The following CLN6 variants were observed in gnomAD, a reference collection of about 807,000 sequenced individuals.
CLN6 encodes CLN6 transmembrane ER protein, also known as ceroid-lipofuscinosis neuronal protein 6.
A neutral mutation model predicts 33.3 loss-of-function variants in CLN6; 22 were observed. The observed-to-expected ratio is 0.66, with a 90% CI of 0.47 to 0.94. CLN6 has a LOEUF of 0.94. Ranked by LOEUF, CLN6 falls within the 40% of genes least tolerant of loss-of-function variation. The probability of loss-of-function intolerance (pLI) is 0.00; values close to 1 mark genes in which losing one functional copy is unlikely to be tolerated. For missense variants in CLN6, 387 were observed against 417.1 expected (o/e 0.93, Z 0.63); for synonymous variants, 201 against 174.6 (o/e 1.15, Z -1.19).
Position 68,229,568 on chromosome 15 carries a change from C to G in CLN6, c.17G>C (p.Arg6Thr), listed in dbSNP as rs154774636. The G allele has an allele frequency of 2.0e-6, 3 of 1,467,568 alleles. No homozygotes were observed. The highest frequency in any genetic ancestry group is 2.7e-6 in the Non-Finnish European group (3 of 1,114,376). The allele number at this position is 1,467,568 out of a possible 1,614,324, so 90.9% of individuals were successfully genotyped here. ...GCCCGTCGCTCCCAGGTGCTGCCGCCTCCGCGTCGCCTCCATGGCTGCCCC... is the reference window on the plus strand; with the variant it reads ...GCCCGTCGCTCCCAGGTGCTGCCGCGTCCGCGTCGCCTCCATGGCTGCCCC... MEATR[R>T]RQHLGATGGP... The change falls in exon 1 of 7, where the codon AGG becomes ACG. Residue 6 changes from arginine to threonine, a missense_variant. By Grantham distance (71) the Arg-to-Thr change is moderately conservative (BLOSUM62 -1). Coordinates refer to ENST00000249806, the MANE Select transcript of CLN6 (RefSeq NM_017882.3).
At chr15:68,221,777 AT>A (rs1430895668) in intron 1 of CLN6, among the ~76,000 whole-genome samples, 7 of 133,506 alleles carry the variant, frequency 5.2e-5, no homozygotes, top group Admixed American at 1.6e-4. Context: ...ATCGTCTGGG[AT>A]GTGAGGAGCG....
At chr15:68,224,025 A>G (rs2093245101) in intron 1 of CLN6, among the ~76,000 whole-genome samples, 1 of 150,758 alleles carries the variant, frequency 6.6e-6, no homozygotes, top group African/African-American at 2.4e-5. Flanking sequence ...CAGCCTGGGC[A>G]GTAAGAGTGA....
At chr15:68,251,846 G>C (rs1892382172) in intron 1 of CLN6, among the ~76,000 whole-genome samples, 1 of 151,822 alleles carries the variant, frequency 6.6e-6, no homozygotes, top group African/African-American at 2.4e-5. Flanking sequence ...GAATTAATAA[G>C]AGAGTCCAGC....
At chr15:68,237,960 T>TA (rs1892238281) in intron 1 of CLN6, among the ~76,000 whole-genome samples, 2 of 151,814 alleles carry the variant, frequency 1.3e-5, no homozygotes, top group African/African-American at 4.8e-5. Flanking sequence ...CCGTCTCTAC[T>TA]AAAAATACAA....
At chr15:68,251,012 G>A (rs1892373422) in intron 1 of CLN6, among the ~76,000 whole-genome samples, 1 of 152,168 alleles carries the variant, frequency 6.6e-6, no homozygotes, top group African/African-American at 2.4e-5. Flanking sequence ...AATCTCTGAT[G>A]AACATGGATG....
chr15:68,253,690 T>G (rs997718314), intron 1 of CLN6, among the ~76,000 whole-genome samples: 1 of 152,252 alleles, frequency 6.6e-6, no homozygotes, highest in Non-Finnish European at 1.5e-5. Flanking sequence ...GCCAAATAGC[T>G]TGTTCACATG....
intron 1 of CLN6, among the ~76,000 whole-genome samples, chr15:68,240,286 G>T (rs1198886134): frequency 6.6e-6 from 1 of 152,164 alleles, no homozygotes; most frequent in African/African-American, 2.4e-5. Flanking sequence ...AAACAAACAT[G>T]CAATAGAGAT....
chr15:68,226,896 G>A (rs375610455), intron 1 of CLN6, among the ~76,000 whole-genome samples: 4 of 152,114 alleles, frequency 2.6e-5, no homozygotes, highest in Non-Finnish European at 5.9e-5. Flanking sequence ...ATTTGACTCT[G>A]GAAAAAAGAG....
At chr15:68,222,446 G>A (rs572617105) in intron 1 of CLN6, among the ~76,000 whole-genome samples, 25 of 141,324 alleles carry the variant, frequency 1.8e-4, no homozygotes, top group Non-Finnish European at 2.4e-4. Context: ...CTGCCCGGCC[G>A]CCCCGTCTGG....
At chr15:68,237,671 A>T (rs1892234285) in intron 1 of CLN6, among the ~76,000 whole-genome samples, 1 of 152,248 alleles carries the variant, frequency 6.6e-6, no homozygotes, top group South Asian at 2.1e-4. Flanking sequence ...AAGAAAGGGT[A>T]GAATGAGAAA....
rs1445867896 is a variant in CLN6, at chr15:68,256,118, T to A, written c.179+572A>T. On this transcript the variant is annotated intron_variant, in intron 1 of 6. Transcript: ENST00000538696. This position sits in a 1 kb window ranked among gnomAD's most constrained non-coding sequence, Gnocchi z 4.1. ...CCCTCTTTTTATTTTATTATTATTA[T>A]TTTTTTGAGACGGAGTCTTGCTCTG... Among the ~76,000 whole-genome samples, 1 of 151,990 alleles carries A rather than the reference T, an allele frequency of 6.6e-6. No homozygotes were observed. The highest frequency in any genetic ancestry group is 1.5e-5 in the Non-Finnish European group (1 of 67,992).
rs1892218726 is a variant in CLN6 at position 68,236,221 on chromosome 15, A to G, written c.180-17571T>C. On this transcript the variant is annotated intron_variant, in intron 1 of 6. Transcript: ENST00000538696. The surrounding 1 kb of genome is among the most constrained non-coding windows in gnomAD (Gnocchi z 4.5). ...AGCAGGTCCTCAAACTGTTAAATAC[A>G]GAGTTAGTACATGACCCAGCAACTC... Among the ~76,000 whole-genome samples the G allele has an allele frequency of 6.6e-6, 1 of 152,242 alleles. No individual in the cohort carries two copies. Among genetic ancestry groups the G allele is most frequent in the Non-Finnish European group, 1.5e-5 (1 of 68,046 alleles).
At chr15:68,225,413 G>C (rs996814317) in intron 1 of CLN6, among the ~76,000 whole-genome samples, 1 of 152,192 alleles carries the variant, frequency 6.6e-6, no homozygotes, top group African/African-American at 2.4e-5. Flanking sequence ...TTGATAACAT[G>C]AAAACAGAGG....
Position 68,209,856 on chromosome 15 carries a change from TCA to T in CLN6, c.543-99_543-98del, listed in dbSNP as rs2141137429. On this transcript the variant is annotated intron_variant, in intron 5 of 6. Transcript: ENST00000249806. The surrounding 1 kb of genome is among the most constrained non-coding windows in gnomAD (Gnocchi z 4.9). ...CCATGGGGTCTCATGGAGTGCCACG[TCA>T]CAGTTTACAAAACGCCTAGCCTGGG... 16 of 1,552,718 alleles carry T rather than the reference TCA, an allele frequency of 1.0e-5. No homozygotes were observed. The highest frequency in any genetic ancestry group is 2.3e-4 in the Middle Eastern group (1 of 4,370).
intron 1 of CLN6, among the ~76,000 whole-genome samples, chr15:68,243,217 C>G (rs1892293926): frequency 6.6e-6 from 1 of 152,110 alleles, no homozygotes; most frequent in African/African-American, 2.4e-5. Flanking sequence ...TTTTAAAATT[C>G]TGTGAGTATA....
In CLN6 at chr15:68,219,512, A is replaced by C. The variant is rs2093229740; in HGVS notation, c.84-862T>G. ...TCTTTGGAGGCCTGTCCCTCTCACTAAACAGTTGGTCATCTGCTGTTCACA... is the reference window on the plus strand; with the variant it reads ...TCTTTGGAGGCCTGTCCCTCTCACTCAACAGTTGGTCATCTGCTGTTCACA... On this transcript the variant is annotated intron_variant, in intron 1 of 6. Transcript: ENST00000249806. The surrounding 1 kb of genome is among the most constrained non-coding windows in gnomAD (Gnocchi z 4.2). 6.6e-6 allele frequency among the ~76,000 whole-genome samples: 1 copy of C among 152,164 alleles called. No homozygotes were observed. The highest frequency in any genetic ancestry group is 1.5e-5 in the Non-Finnish European group (1 of 68,022).
Position 68,211,932 on chromosome 15 carries a change from C to T in CLN6, c.298-69G>A. 2.7e-6 allele frequency: 4 copies of T among 1,508,996 alleles called. No homozygotes were observed. The highest frequency in any genetic ancestry group is 3.7e-6 in the Non-Finnish European group (4 of 1,095,666). 93.5% of individuals were successfully genotyped at this position (1,508,996 alleles called of 1,614,324 possible). On this transcript the variant is annotated intron_variant, in intron 3 of 6. Coordinates refer to ENST00000249806, the MANE Select transcript of CLN6 (RefSeq NM_017882.3). The surrounding 1 kb of genome is among the most constrained non-coding windows in gnomAD (Gnocchi z 5.9). ...ACAGTATGTGACACCCTCTGCTTCCCCCCTCACACCTGGGGTGGGATGGAC... is the reference window on the plus strand; with the variant it reads ...ACAGTATGTGACACCCTCTGCTTCCTCCCTCACACCTGGGGTGGGATGGAC...
chr15:68,243,773 C>CA (rs1023549607), intron 1 of CLN6, among the ~76,000 whole-genome samples: 10 of 137,678 alleles, frequency 7.3e-5, no homozygotes, highest in Admixed American at 3.6e-4. Flanking sequence ...AAAAAAAACA[C>CA]AAAAAAAAGG....
chr15:68,226,256 T>C (rs2093251500), intron 1 of CLN6, among the ~76,000 whole-genome samples: 1 of 149,872 alleles, frequency 6.7e-6, no homozygotes, highest in Non-Finnish European at 1.5e-5. Context: ...GAGGCGGAGA[T>C]TGCAGTGAGC....
Sources: gnomAD v4.1 joint callset for allele counts (sites outside exome capture counted in the v4.1 genomes callset) on GRCh38, gnomAD v4.1.1 for gene constraint, Gnocchi (gnomAD v3.1) non-coding constraint, MANE v1.5 for transcripts, NCBI Gene and HGNC (gene_info 2026-07-23, HGNC 2026-07-21) for gene names.